FOXJ3: variants seen among roughly 807,000 people sequenced by gnomAD.
FOXJ3 encodes forkhead box protein J3.
Under a neutral mutation model 76.1 loss-of-function variants are expected in FOXJ3, and 22 were observed. The observed-to-expected ratio is 0.29, with a 90% CI of 0.21 to 0.41. The LOEUF (loss-of-function observed/expected upper bound fraction) is 0.41, where lower values mean the gene tolerates loss of function less well. FOXJ3 is among the 10% of genes least tolerant of loss of function. FOXJ3 has a pLI of 1.00. For missense variants in FOXJ3, 613 were observed against 762.1 expected (o/e 0.80, Z 2.30); for synonymous variants, 269 against 261.2 (o/e 1.03, Z -0.29).
intron 6 of FOXJ3, among the ~76,000 whole-genome samples, chr1:42,201,358 T>C (rs1216726049): frequency 1.3e-5 from 2 of 152,248 alleles, no homozygotes; most frequent in South Asian, 2.1e-4. Flanking sequence ...CCATTTAATA[T>C]AGCATTTGCT....
At chr1:42,223,347 T>C (rs943939303) in intron 5 of FOXJ3, among the ~76,000 whole-genome samples, 1 of 152,180 alleles carries the variant, frequency 6.6e-6, no homozygotes, top group African/African-American at 2.4e-5. Flanking sequence ...CTCAACACTA[T>C]GGGCTGTCAA....
At chr1:42,324,087 T>TAC (rs367733058) in intron 1 of FOXJ3, among the ~76,000 whole-genome samples, 5 of 16,854 alleles carry the variant, frequency 3.0e-4, no homozygotes, top group South Asian at 1.2e-3. Flanking sequence ...ATAGTATATA[T>TAC]ACTGTATATA....
chr1:42,316,675 T>C (rs1043088566), intron 1 of FOXJ3, among the ~76,000 whole-genome samples: 1 of 152,178 alleles, frequency 6.6e-6, no homozygotes, highest in Non-Finnish European at 1.5e-5. Context: ...AAAAATGCAG[T>C]AAATGCCTCA....
chr1:42,316,655 A>C (rs780348389), intron 1 of FOXJ3, among the ~76,000 whole-genome samples: 1 of 152,186 alleles, frequency 6.6e-6, no homozygotes, highest in Non-Finnish European at 1.5e-5. Context: ...TTCCTCCTTC[A>C]TAAGAATGGA....
intron 11 of FOXJ3, among the ~76,000 whole-genome samples, chr1:42,187,094 C>A (rs1335431976): frequency 2.0e-5 from 3 of 152,158 alleles, no homozygotes; most frequent in Admixed American, 2.0e-4. Flanking sequence ...GTGATCAGCC[C>A]GCCTCGGCCT....
Position 42,182,002 on chromosome 1 carries a change from C to T in FOXJ3, c.1668G>A (p.Arg556=). The T allele has an allele frequency of 6.2e-7, 1 of 1,611,260 alleles. No individual in the cohort carries two copies. The highest frequency in any genetic ancestry group is 8.5e-7 in the Non-Finnish European group (1 of 1,178,012). The part of the protein sequence containing the change: ...IGTGNLYIDS[R]QNLPPSVMPP... The stretch of plus-strand genomic sequence containing the variant: ...GCATCACTGAAGGAGGGAGATTTTG[C>T]CTAGAATCTATGTACAAATTTCCTA... The change falls in exon 12 of 13, where the codon AGG becomes AGA. Residue 556 remains arginine (R), a synonymous_variant. Transcript: ENST00000361346.
At chr1:42,268,995 C>T (rs1377869455) in intron 3 of FOXJ3, among the ~76,000 whole-genome samples, 1 of 152,116 alleles carries the variant, frequency 6.6e-6, no homozygotes, top group East Asian at 1.9e-4. Context: ...CCAGAATCTG[C>T]TGGCATCTTG....
intron 4 of FOXJ3, among the ~76,000 whole-genome samples, chr1:42,239,818 T>A (rs1310819118): frequency 2.0e-5 from 3 of 152,230 alleles, no homozygotes; most frequent in Non-Finnish European, 4.4e-5. Context: ...CCAAGTAGAA[T>A]GATGAATCCA....
At chr1:42,324,122 C>CAGTAT (rs1557726070) in intron 1 of FOXJ3, among the ~76,000 whole-genome samples, 10 of 130,186 alleles carry the variant, frequency 7.7e-5, no homozygotes, top group Non-Finnish European at 1.3e-4. Flanking sequence ...ACTGTATATA[C>CAGTAT]ACAGTGTATA....
At chr1:42,292,327 G>A (rs747540726) in intron 2 of FOXJ3, among the ~76,000 whole-genome samples, 1 of 152,142 alleles carries the variant, frequency 6.6e-6, no homozygotes, top group South Asian at 2.1e-4. Context: ...TAAGGACAAC[G>A]GCTTGGCAGT....
intron 11 of FOXJ3, among the ~76,000 whole-genome samples, chr1:42,184,134 A>G (rs1281897101): frequency 2.6e-5 from 4 of 152,122 alleles, no homozygotes; most frequent in Non-Finnish European, 4.4e-5. Flanking sequence ...TGTACTTTGT[A>G]AAGACTGCAC....
intron 5 of FOXJ3, among the ~76,000 whole-genome samples, chr1:42,224,889 C>A (rs1647424136): frequency 6.6e-6 from 1 of 151,792 alleles, no homozygotes; most frequent in Non-Finnish European, 1.5e-5. Flanking sequence ...GAGTTTGAGA[C>A]CAGCCTCGGC....
chr1:42,234,299 T>A (rs1025975479), intron 4 of FOXJ3, among the ~76,000 whole-genome samples: 2 of 152,108 alleles, frequency 1.3e-5, no homozygotes, highest in Admixed American at 6.5e-5. Context: ...TAGCCATTTG[T>A]TTAATTTTTT....
At chr1:42,286,603 A>C (rs1359917142) in intron 2 of FOXJ3, among the ~76,000 whole-genome samples, 1 of 152,180 alleles carries the variant, frequency 6.6e-6, no homozygotes, top group African/African-American at 2.4e-5. Context: ...AGTTAATATT[A>C]ATATGAAGTT....
At chr1:42,204,713 C>T (rs141457774) in intron 6 of FOXJ3, among the ~76,000 whole-genome samples, 1 of 151,888 alleles carries the variant, frequency 6.6e-6, no homozygotes, top group South Asian at 2.1e-4. Context: ...CCCCCACCCC[C>T]CAACTGCCCC....
chr1:42,286,726 C>A (rs1653079669), intron 2 of FOXJ3, among the ~76,000 whole-genome samples: 5 of 152,068 alleles, frequency 3.3e-5, no homozygotes, highest in Admixed American at 3.3e-4. Context: ...CTCCACCTCC[C>A]ATGTTCAAGC....
Position 42,191,604 on chromosome 1 carries a change from G to A in FOXJ3, c.1050C>T (p.Ser350=). Residue 350 remains serine, a synonymous_variant, in exon 9 of 13, where the codon TCC becomes TCT. Transcript: ENST00000361346. ...TGTTGAGGCCACTGCCATGACTGTT[G>A]GACAGGCTGCTTTGGTTGCTGTGTG... ...THPHSNQSSL[S]NSHGSGLNTT... 1 of 1,614,138 alleles carries A rather than the reference G, an allele frequency of 6.2e-7. No individual in the cohort carries two copies. The highest frequency in any genetic ancestry group is 8.5e-7 in the Non-Finnish European group (1 of 1,180,030).
At position 42,178,587 on chromosome 1, in the gene FOXJ3, C is replaced by G. The variant is rs1239711512; in HGVS notation, c.*1123G>C. The G allele has an allele frequency of 6.6e-6, 1 of 152,200 alleles. No individual in the cohort carries two copies. Among genetic ancestry groups the G allele is most frequent in the African/African-American group, 2.4e-5 (1 of 41,442 alleles). 9.4% of individuals were successfully genotyped at this position (152,200 alleles called of 1,614,324 possible). Reference sequence around the variant, plus strand: ...ACTGCCTGAGCTCAAGAGTTTGCAACCAGCCCAGGCAACATGGTGAAACCC... The same window carrying G: ...ACTGCCTGAGCTCAAGAGTTTGCAAGCAGCCCAGGCAACATGGTGAAACCC... On this transcript the variant is annotated 3_prime_UTR_variant, in exon 13 of 13. Coordinates refer to ENST00000361346, the MANE Select transcript of FOXJ3 (RefSeq NM_014947.5).
At chr1:42,324,104 G>GTGTATATATAATGTATATATACACTA (rs776964079) in intron 1 of FOXJ3, among the ~76,000 whole-genome samples, 4 of 88,946 alleles carry the variant, frequency 4.5e-5, no homozygotes, top group Admixed American at 2.6e-4. Flanking sequence ...TATATACTGT[G>GTGTATATATAATGTATATATACACTA]TATATACACT....
Sources: allele counts gnomAD v4.1 joint callset (sites outside exome capture counted in the v4.1 genomes callset), GRCh38; gene constraint gnomAD v4.1.1; transcripts MANE v1.5; gene names NCBI Gene and HGNC (gene_info 2026-07-23, HGNC 2026-07-21).